SHROOM4: variants seen among roughly 807,000 people sequenced by gnomAD.
SHROOM4 encodes the protein shroom family member 4.
SHROOM4 carries 17 observed loss-of-function variants against 80.3 expected under a neutral mutation model. The observed-to-expected ratio is 0.21, with a 90% CI of 0.14 to 0.32. The LOEUF (loss-of-function observed/expected upper bound fraction) is 0.32. Ranked by LOEUF, SHROOM4 falls within the 10% of genes least tolerant of loss-of-function variation. The probability of loss-of-function intolerance (pLI) is 1.00; values close to 1 mark genes in which losing one functional copy is unlikely to be tolerated. For missense variants in SHROOM4, 993 were observed against 1,140.3 expected, an observed-to-expected ratio of 0.87 and a Z score of 1.86; for synonymous variants, 400 against 437.5, an observed-to-expected ratio of 0.91 and a Z score of 1.07.
At chrX:50,784,386 C>T (rs1935693634) in intron 1 of SHROOM4, among the ~76,000 whole-genome samples, 1 of 111,770 alleles carries the variant, frequency 8.9e-6, no homozygotes, top group South Asian at 3.7e-4. Context: ...TAGTCTCAAA[C>T]TCCTGGCCTC....
intron 2 of SHROOM4, among the ~76,000 whole-genome samples, chrX:50,668,609 G>C (rs1389763046): frequency 1.8e-5 from 2 of 111,950 alleles, no homozygotes; most frequent in African/African-American, 6.5e-5. Context: ...ATCTCAAACT[G>C]AATGAAAGAG....
intron 1 of SHROOM4, among the ~76,000 whole-genome samples, chrX:50,732,185 C>A (rs1934388587): frequency 1.8e-5 from 2 of 111,727 alleles, no homozygotes; most frequent in South Asian, 7.5e-4. Context: ...CTGCCAGTAC[C>A]ACCACAGTCA....
intron 2 of SHROOM4, among the ~76,000 whole-genome samples, chrX:50,648,083 T>C (rs1349127917): frequency 1.8e-5 from 2 of 112,015 alleles, no homozygotes; most frequent in African/African-American, 6.5e-5. Flanking sequence ...ACTTGGCTGA[T>C]GGATTTGTGT....
At chrX:50,800,457 G>A (rs782703976) in intron 1 of SHROOM4, among the ~76,000 whole-genome samples, 3 of 111,467 alleles carry the variant, frequency 2.7e-5, no homozygotes, top group South Asian at 7.7e-4. Flanking sequence ...TCAGAACTCC[G>A]GCATTTCAGA....
chrX:50,617,599 T>A (rs1425053475), intron 5 of SHROOM4, among the ~76,000 whole-genome samples: 2 of 105,529 alleles, frequency 1.9e-5, no homozygotes, highest in Non-Finnish European at 3.9e-5. Flanking sequence ...AAGTACTAAC[T>A]ATGTGTGTTA....
intron 1 of SHROOM4, among the ~76,000 whole-genome samples, chrX:50,801,816 T>G (rs1320111063): frequency 1.8e-5 from 2 of 111,727 alleles, no homozygotes; most frequent in Non-Finnish European, 3.8e-5. Flanking sequence ...TCAAATCAAT[T>G]TCAAATATAA....
intron 1 of SHROOM4, among the ~76,000 whole-genome samples, chrX:50,732,730 G>C (rs782294943): frequency 1.2e-4 from 13 of 112,090 alleles, no homozygotes; most frequent in African/African-American, 3.9e-4. Context: ...GACCCAAGAA[G>C]TAACAGATAA....
intron 5 of SHROOM4, among the ~76,000 whole-genome samples, chrX:50,622,359 C>CA (rs1390220347): frequency 2.7e-5 from 3 of 112,034 alleles, no homozygotes; most frequent in Non-Finnish European, 5.6e-5. Context: ...TCACAGCAGG[C>CA]AATCATAGGT....
At chrX:50,803,244 T>C (rs1158987409) in intron 1 of SHROOM4, among the ~76,000 whole-genome samples, 1 of 112,541 alleles carries the variant, frequency 8.9e-6, no homozygotes, top group Non-Finnish European at 1.9e-5. Context: ...GTGCCCAGAA[T>C]ATGCACTATA....
At chrX:50,688,286 T>C (rs1352739097) in intron 2 of SHROOM4, among the ~76,000 whole-genome samples, 1 of 111,375 alleles carries the variant, frequency 9.0e-6, no homozygotes, top group Non-Finnish European at 1.9e-5. Flanking sequence ...GAGATATCTA[T>C]ACCCCATATC....
intron 1 of SHROOM4, among the ~76,000 whole-genome samples, chrX:50,806,489 AGGT>A (rs1569549350): frequency 8.9e-6 from 1 of 112,212 alleles, no homozygotes; most frequent in South Asian, 3.7e-4. Flanking sequence ...TAGGGCAAAG[AGGT>A]ATAAGGAGAC....
chrX:50,722,401 T>G (rs1557265497), intron 1 of SHROOM4, among the ~76,000 whole-genome samples: 1 of 110,505 alleles, frequency 9.0e-6, no homozygotes, highest in African/African-American at 3.3e-5. Context: ...CTTCAGTCCT[T>G]GACTTGTTTG....
At position 50,695,880 on chromosome X, in the gene SHROOM4, C is replaced by G; in HGVS notation, c.175G>C (p.Val59Leu). 8.3e-7 allele frequency: 1 copy of G among 1,211,740 alleles called. No homozygotes were observed. Among genetic ancestry groups the G allele is most frequent in the Non-Finnish European group, 1.1e-6 (1 of 895,357 alleles). The change falls in exon 2 of 9, where the codon GTG becomes CTG. Residue 59 changes from valine to leucine, a missense_variant. Val to Leu is a conservative substitution (Grantham distance 32). Transcript: ENST00000376020. ...TATAATGGAGTGCCATTGATATTCA[C>G]CAGCTCATCACCAGTCCTCATCTTC... ...SQKMRTGDELVNINGTPLYGS... is the reference protein window; with the variant it reads ...SQKMRTGDELLNINGTPLYGS...
intron 1 of SHROOM4, among the ~76,000 whole-genome samples, chrX:50,812,317 TAAAAAA>T (rs34184946): frequency 1.5e-5 from 1 of 66,769 alleles, no homozygotes; most frequent in East Asian, 5.3e-4. Context: ...GTGTTTTTGT[TAAAAAA>T]AAAAAAAAAA....
At chrX:50,749,190 T>G (rs1303276794) in intron 1 of SHROOM4, among the ~76,000 whole-genome samples, 1 of 111,902 alleles carries the variant, frequency 8.9e-6, no homozygotes, top group Non-Finnish European at 1.9e-5. Flanking sequence ...TCAGCGTGGG[T>G]GCCACAGTGA....
At chrX:50,795,108 A>AT (rs1935957943) in intron 1 of SHROOM4, among the ~76,000 whole-genome samples, 4 of 44,168 alleles carry the variant, frequency 9.1e-5, no homozygotes, top group Non-Finnish European at 1.5e-4. Flanking sequence ...TATGATATAT[A>AT]TATATGATAT....
At chrX:50,601,891 G>T (rs1027938208) in intron 7 of SHROOM4, among the ~76,000 whole-genome samples, 3 of 111,285 alleles carry the variant, frequency 2.7e-5, no homozygotes, top group African/African-American at 9.8e-5. Context: ...CAGAAACTCT[G>T]ATGTGCCCTG....
chrX:50,732,270 G>A (rs1185361058), intron 1 of SHROOM4, among the ~76,000 whole-genome samples: 3 of 111,299 alleles, frequency 2.7e-5, no homozygotes, highest in Admixed American at 9.6e-5. Context: ...GACTGCGTGT[G>A]TGCTGGAGGG....
At chrX:50,576,260 C>T in the SHROOM4 span, among the ~76,000 whole-genome samples, 1 of 112,003 alleles carries the variant, frequency 8.9e-6, no homozygotes. Context: ...ATTAGCAGGA[C>T]TCCCAACTGA....
Sources: gnomAD v4.1 joint callset for allele counts (sites outside exome capture counted in the v4.1 genomes callset) on GRCh38, gnomAD v4.1.1 for gene constraint, MANE v1.5 for transcripts, NCBI Gene and HGNC (gene_info 2026-07-23, HGNC 2026-07-21) for gene names.